Variants in HTR2A observed in about 807,000 individuals in gnomAD.
HTR2A encodes 5-hydroxytryptamine receptor 2A.
Under a neutral mutation model 31.0 loss-of-function variants are expected in HTR2A, and 14 were observed. That is an observed-to-expected ratio of 0.45 (90% CI 0.30 to 0.71). The LOEUF is 0.71. Among genes scored for constraint, HTR2A ranks in the 30% least tolerant of loss-of-function variants. The pLI is 0.09. For missense variants in HTR2A, 442 were observed against 573.3 expected, an observed-to-expected ratio of 0.77 and a Z score of 2.34; for synonymous variants, 209 against 225.2, an observed-to-expected ratio of 0.93 and a Z score of 0.64.
Position 46,834,138 on chromosome 13 carries a change from A to G in HTR2A, c.*699T>C, listed in dbSNP as rs1319664937. 6.5e-6 allele frequency: 1 copy of G among 152,702 alleles called. No homozygotes were observed. The highest frequency in any genetic ancestry group is 1.5e-5 in the Non-Finnish European group (1 of 68,052). The allele number at this position is 152,702 out of a possible 1,614,324, so 9.5% of individuals were successfully genotyped here. A position where few individuals can be genotyped will look rare whatever the true frequency, so the allele number is the denominator to read the frequency against. ...ACACTGGAAATTCAGAGTAAAGCAC[A>G]AGAAGTAGAAGAGAAAGCAGCAATA... On this transcript the variant is annotated 3_prime_UTR_variant, in exon 4 of 4. Transcript: ENST00000542664.
intron 3 of HTR2A, among the ~76,000 whole-genome samples, chr13:46,858,993 A>G (rs1040545378): frequency 6.6e-6 from 1 of 152,194 alleles, no homozygotes; most frequent in Non-Finnish European, 1.5e-5. Context: ...AATTTTAATT[A>G]CTTTCATCTG....
chr13:46,836,676 A>G (rs1345844714), intron 3 of HTR2A, among the ~76,000 whole-genome samples: 1 of 152,108 alleles, frequency 6.6e-6, no homozygotes, highest in Non-Finnish European at 1.5e-5. Context: ...CTCAAGCCCA[A>G]TCTTGTTTCA....
chr13:46,851,127 G>A (rs1950681530), intron 3 of HTR2A, among the ~76,000 whole-genome samples: 1 of 152,202 alleles, frequency 6.6e-6, no homozygotes, highest in African/African-American at 2.4e-5. Context: ...CTGAATCACT[G>A]AGCCTGGGTG....
chr13:46,897,178 T>C (rs6315), upstream of HTR2A: 4,233 of 207,916 alleles, frequency 0.02, 61 homozygotes, highest in Middle Eastern at 0.051. Flanking sequence ...ATATTAATAT[T>C]GGGAAGTTTT....
chr13:46,897,815 G>A (rs36212784), upstream of HTR2A, among the ~76,000 whole-genome samples: 4 of 152,120 alleles, frequency 2.6e-5, no homozygotes, highest in Non-Finnish European at 4.4e-5. Flanking sequence ...TACCTTCATA[G>A]CTGATTATTT....
intron 3 of HTR2A, among the ~76,000 whole-genome samples, chr13:46,870,363 A>T (rs999075103): frequency 4.6e-5 from 7 of 152,190 alleles, no homozygotes; most frequent in African/African-American, 1.7e-4. Flanking sequence ...TGGTATACCA[A>T]TATGAGAGAA....
chr13:46,896,888 C>CGGCTCGGCTG lies in HTR2A; in HGVS notation c.-553_-544dup. The CGGCTCGGCTG allele has an allele frequency of 6.7e-7, 1 of 1,489,898 alleles. No individual in the cohort carries two copies. The highest frequency in any genetic ancestry group is 9.0e-7 in the Non-Finnish European group (1 of 1,108,894). The allele number at this position is 1,489,898 out of a possible 1,614,324, so 92.3% of individuals were successfully genotyped here. ...AGGATCCTGTTGGCTTCCTCTGGCA[C>CGGCTCGGCTG]GGCTCGGCTGGGTTCCTCCCTCCCT... On this transcript the variant is annotated 5_prime_UTR_variant, in exon 1 of 4. An upstream open reading frame in the 5' UTR gains an earlier in-frame stop. Coordinates refer to ENST00000542664, the MANE Select transcript of HTR2A (RefSeq NM_000621.5).
intron 3 of HTR2A, among the ~76,000 whole-genome samples, chr13:46,889,561 A>G (rs914221284): frequency 2.8e-4 from 42 of 152,314 alleles, no homozygotes; most frequent in South Asian, 1.0e-3. Context: ...CAAACTCAAT[A>G]TTCCAGGAAT....
intron 3 of HTR2A, among the ~76,000 whole-genome samples, 173 bp from the exon 4 acceptor site, chr13:46,835,812 T>A (rs1278105053): frequency 6.6e-6 from 1 of 152,206 alleles, no homozygotes; most frequent in Non-Finnish European, 1.5e-5. Context: ...TGTAAGTATA[T>A]ATTATGTAGT....
chr13:46,885,287 C>T (rs1014778800), intron 3 of HTR2A, among the ~76,000 whole-genome samples: 1 of 152,170 alleles, frequency 6.6e-6, no homozygotes, highest in Non-Finnish European at 1.5e-5. Flanking sequence ...GGATAATTCA[C>T]ATTCTGGGTA....
chr13:46,840,057 A>G (rs543585503), intron 3 of HTR2A, among the ~76,000 whole-genome samples: 1 of 152,264 alleles, frequency 6.6e-6, no homozygotes. Flanking sequence ...CAGAGAAGTT[A>G]TTTCGGGGCT....
intron 1 of HTR2A, 47 bp downstream of exon 1, chr13:46,896,627 G>T: frequency 7.2e-7 from 1 of 1,389,214 alleles, no homozygotes; most frequent in Non-Finnish European, 9.6e-7. Flanking sequence ...ATTTCAAACC[G>T]GAAAGAAAAT....
chr13:46,889,409 C>G (rs1345743136), intron 3 of HTR2A, among the ~76,000 whole-genome samples: 5 of 152,104 alleles, frequency 3.3e-5, no homozygotes, highest in Non-Finnish European at 7.4e-5. Flanking sequence ...AGATTTGGAA[C>G]CAAGTTCTAC....
At chr13:46,849,783 A>G (rs1414775972) in intron 3 of HTR2A, among the ~76,000 whole-genome samples, 1 of 152,178 alleles carries the variant, frequency 6.6e-6, no homozygotes, top group Admixed American at 6.5e-5. Context: ...AGCAGTTGCC[A>G]CTGTATGAGA....
intron 3 of HTR2A, among the ~76,000 whole-genome samples, chr13:46,874,555 G>A (rs964751971): frequency 1.3e-5 from 2 of 152,208 alleles, no homozygotes; most frequent in Non-Finnish European, 1.5e-5. Context: ...GAACACTGAT[G>A]CATGGTTTTC....
At chr13:46,850,611 C>A (rs942982516) in intron 3 of HTR2A, among the ~76,000 whole-genome samples, 1 of 152,318 alleles carries the variant, frequency 6.6e-6, no homozygotes, top group East Asian at 1.9e-4. Flanking sequence ...TGCTTCATTG[C>A]TGCTCAAGGC....
chr13:46,867,406 G>T (rs1950826321), intron 3 of HTR2A, among the ~76,000 whole-genome samples: 1 of 152,146 alleles, frequency 6.6e-6, no homozygotes, highest in Non-Finnish European at 1.5e-5. Context: ...TCAGGAAAGG[G>T]ATCATTTTCA....
chr13:46,863,811 T>C (rs567942406), intron 3 of HTR2A, among the ~76,000 whole-genome samples: 35 of 152,048 alleles, frequency 2.3e-4, no homozygotes, highest in African/African-American at 8.0e-4. Flanking sequence ...ACTTATATAC[T>C]GTCGGTGGGA....
chr13:46,879,965 C>T (rs1436768727), intron 3 of HTR2A, among the ~76,000 whole-genome samples: 1 of 152,052 alleles, frequency 6.6e-6, no homozygotes, highest in South Asian at 2.1e-4. Context: ...TGATCACACC[C>T]CTGCACTCCA....
Sources: gnomAD v4.1 joint callset for allele counts (sites outside exome capture counted in the v4.1 genomes callset) on GRCh38, gnomAD v4.1.1 for gene constraint, MANE v1.5 for transcripts, NCBI Gene and HGNC (gene_info 2026-07-23, HGNC 2026-07-21) for gene names.